Variants in FHIT observed in about 807,000 individuals in gnomAD.
FHIT encodes fragile histidine triad diadenosine triphosphatase, also known as bis(5'-adenosyl)-triphosphatase.
Under a neutral mutation model 17.9 loss-of-function variants are expected in FHIT, and 19 were observed. The observed-to-expected ratio is 1.06, with a 90% CI of 0.74 to 1.56. FHIT has a LOEUF of 1.56. FHIT is among the 40% of genes most tolerant of loss of function. The pLI is 0.00. For synonymous variants in FHIT, 81 were observed against 69.7 expected, an observed-to-expected ratio of 1.16 and a Z score of -0.81; for missense variants, 248 against 189.2, an observed-to-expected ratio of 1.31 and a Z score of -1.82.
intron 4 of FHIT, among the ~76,000 whole-genome samples, chr3:60,568,472 G>T (rs1241552168): frequency 6.7e-6 from 1 of 150,374 alleles, no homozygotes; most frequent in Non-Finnish European, 1.5e-5. Flanking sequence ...TGGAGGGAGG[G>T]GGGAGGGATA....
intron 8 of FHIT, among the ~76,000 whole-genome samples, chr3:59,779,359 T>C (rs894313067): frequency 3.3e-5 from 5 of 152,166 alleles, no homozygotes; most frequent in African/African-American, 9.6e-5. Context: ...GAATCAAACC[T>C]TAACGTACAT....
intron 4 of FHIT, among the ~76,000 whole-genome samples, chr3:60,626,667 T>C (rs1376698857): frequency 6.6e-6 from 1 of 152,026 alleles, no homozygotes; most frequent in African/African-American, 2.4e-5. Flanking sequence ...TCTTTTCAAA[T>C]ATGAATGCAG....
chr3:61,222,795 G>C (rs973588093), intron 1 of FHIT, among the ~76,000 whole-genome samples: 6 of 152,146 alleles, frequency 3.9e-5, no homozygotes, highest in Non-Finnish European at 7.4e-5. Context: ...GGAAACAATG[G>C]GGGGAATCAA....
At chr3:60,247,437 G>C (rs896888386) in intron 5 of FHIT, among the ~76,000 whole-genome samples, 6 of 151,928 alleles carry the variant, frequency 3.9e-5, no homozygotes, top group Non-Finnish European at 7.4e-5. Context: ...TGAAGATGAA[G>C]ATGAAGATGA....
chr3:60,506,741 A>G (rs1477640131), intron 5 of FHIT, among the ~76,000 whole-genome samples: 1 of 152,126 alleles, frequency 6.6e-6, no homozygotes, highest in African/African-American at 2.4e-5. Context: ...CTGCTTCTTC[A>G]GCCTGCGTAA....
intron 3 of FHIT, among the ~76,000 whole-genome samples, chr3:60,999,570 G>T (rs907329039): frequency 6.6e-6 from 1 of 151,444 alleles, no homozygotes; most frequent in African/African-American, 2.4e-5. Flanking sequence ...ATTCCATGTA[G>T]AAAAAGATAG....
chr3:60,734,748 C>T (rs536915759), intron 4 of FHIT, among the ~76,000 whole-genome samples: 13 of 152,212 alleles, frequency 8.5e-5, no homozygotes, highest in Non-Finnish European at 1.8e-4. Flanking sequence ...AGAAACAATG[C>T]TTCCACTTTA....
At chr3:60,035,167 T>C (rs1289056777) in intron 5 of FHIT, among the ~76,000 whole-genome samples, 1 of 152,178 alleles carries the variant, frequency 6.6e-6, no homozygotes, top group Non-Finnish European at 1.5e-5. Context: ...CATCAGATAG[T>C]GCACTAGGTC....
rs184952000 is a variant in FHIT, at chr3:60,729,466, G to A, written c.-18+92453C>T. The stretch of plus-strand genomic sequence containing the variant: ...AAATGTATGGGGGAAAATAGGTGCT[G>A]GGGCAAGTCTTACCTTTAAAAGCAA... On this transcript the variant is annotated intron_variant, in intron 4 of 9. Transcript: ENST00000492590. Among the ~76,000 whole-genome samples the A allele has an allele frequency of 9.1e-4, 139 of 152,282 alleles. 1 individual carries two copies. Among genetic ancestry groups the A allele is most frequent in the Non-Finnish European group, 1.8e-4 (12 of 68,016 alleles).
At chr3:59,993,722 A>T (rs1699385871) in intron 7 of FHIT, among the ~76,000 whole-genome samples, 1 of 151,738 alleles carries the variant, frequency 6.6e-6, no homozygotes, top group Admixed American at 6.6e-5. Flanking sequence ...GACTCCCCCA[A>T]CATTTTCTTG....
chr3:60,546,376 A>T (rs979268800), intron 4 of FHIT, among the ~76,000 whole-genome samples: 1 of 152,210 alleles, frequency 6.6e-6, no homozygotes, highest in African/African-American at 2.4e-5. Context: ...CTTAGTGTTT[A>T]AAAGCAGATC....
chr3:60,058,901 G>A lies in FHIT; in HGVS notation c.104-44749C>T, dbSNP rs1702192928. Reference sequence around the variant, plus strand: ...GTGAATTGGGAAACACAGACCAAGTGGCAAAAGCTTGGGCAGAGAGTCATG... The same window carrying A: ...GTGAATTGGGAAACACAGACCAAGTAGCAAAAGCTTGGGCAGAGAGTCATG... On this transcript the variant is annotated intron_variant, in intron 5 of 9. Coordinates refer to ENST00000492590, the MANE Select transcript of FHIT (RefSeq NM_002012.4). Among the ~76,000 whole-genome samples the A allele has an allele frequency of 2.0e-5, 3 of 152,200 alleles. 1 individual carries two copies. The South Asian group carries it at 6.2e-4, about 31-fold the overall frequency.
intron 5 of FHIT, among the ~76,000 whole-genome samples, chr3:60,451,126 GT>G (rs2031714066): frequency 6.6e-6 from 1 of 151,818 alleles, no homozygotes; most frequent in Non-Finnish European, 1.5e-5. Context: ...AGCCCAATAT[GT>G]TTTTCTTACT....
chr3:61,239,147 T>A (rs191733590), intron 1 of FHIT, among the ~76,000 whole-genome samples: 1 of 151,452 alleles, frequency 6.6e-6, no homozygotes. Flanking sequence ...AGCAGATGAG[T>A]GGAAGAGAGG....
intron 5 of FHIT, among the ~76,000 whole-genome samples, chr3:60,340,067 G>C (rs1194229076): frequency 1.3e-5 from 2 of 151,110 alleles, no homozygotes; most frequent in Admixed American, 6.6e-5. Flanking sequence ...TTATGGAGGG[G>C]TGTTTAATTT....
chr3:61,135,553 A>C (rs1280379496), intron 2 of FHIT, among the ~76,000 whole-genome samples: 1 of 151,590 alleles, frequency 6.6e-6, no homozygotes, highest in Non-Finnish European at 1.5e-5. Context: ...AGTGTATGTC[A>C]ATAACCCACA....
intron 5 of FHIT, among the ~76,000 whole-genome samples, chr3:60,435,907 G>A (rs138421477): frequency 4.7e-4 from 71 of 152,220 alleles, no homozygotes; most frequent in African/African-American, 1.7e-3. Context: ...AAAACGTATA[G>A]TATTTGGTTT....
chr3:60,873,008 G>C (rs1193804432), intron 3 of FHIT, among the ~76,000 whole-genome samples: 1 of 152,040 alleles, frequency 6.6e-6, no homozygotes, highest in African/African-American at 2.4e-5. Context: ...TATAACTCTT[G>C]CGTTCTTAGA....
intron 5 of FHIT, among the ~76,000 whole-genome samples, chr3:60,405,507 T>A (rs1701824471): frequency 6.6e-6 from 1 of 152,208 alleles, no homozygotes; most frequent in South Asian, 2.1e-4. Flanking sequence ...CAATGTTCAG[T>A]GCATCCTCAT....
Sources: allele counts gnomAD v4.1 joint callset (sites outside exome capture counted in the v4.1 genomes callset), GRCh38; gene constraint gnomAD v4.1.1; transcripts MANE v1.5; gene names NCBI Gene and HGNC (gene_info 2026-07-23, HGNC 2026-07-21).